The following SLC35E4 variants were observed in gnomAD, a reference collection of about 807,000 sequenced individuals.
SLC35E4 encodes solute carrier family 35 member E4.
A neutral mutation model predicts 19.3 loss-of-function variants in SLC35E4; 15 were observed. The ratio of observed to expected loss-of-function variants is 0.78; its 90% CI spans 0.52 to 1.20. The LOEUF is 1.20. Among genes scored for constraint, SLC35E4 ranks in the 50% most tolerant of loss-of-function variants. The pLI, the probability that SLC35E4 is intolerant of heterozygous loss-of-function variation, is 0.00. For synonymous variants in SLC35E4, 219 were observed against 219.9 expected, an observed-to-expected ratio of 1.00 and a Z score of 0.04; for missense variants, 406 against 472.3, an observed-to-expected ratio of 0.86 and a Z score of 1.30.
intron 2 of SLC35E4, among the ~76,000 whole-genome samples, chr22:30,659,938 C>A (rs951696931): frequency 2.0e-5 from 3 of 152,150 alleles, no homozygotes; most frequent in Non-Finnish European, 4.4e-5. Flanking sequence ...GAGGGGCACA[C>A]GTAGAAAGCA....
chr22:30,642,083 C>T (rs1396002925), intron 1 of SLC35E4, among the ~76,000 whole-genome samples: 3 of 152,024 alleles, frequency 2.0e-5, no homozygotes, highest in Non-Finnish European at 4.4e-5. Context: ...AGTGCAGTGG[C>T]TCACTGCGGC....
At chr22:30,650,834 C>T (rs1232865148), downstream of SLC35E4, among the ~76,000 whole-genome samples, 1 of 152,210 alleles carries the variant, frequency 6.6e-6, no homozygotes, top group Non-Finnish European at 1.5e-5. Flanking sequence ...GATGCCAAGC[C>T]TCCAGCCCCC....
downstream of SLC35E4, among the ~76,000 whole-genome samples, chr22:30,651,444 T>A (rs1166384640): frequency 2.5e-3 from 292 of 117,720 alleles, no homozygotes; most frequent in Non-Finnish European, 4.2e-3. Context: ...TTTTTTTTTT[T>A]TTTTTTTTTT....
chr22:30,640,061 C>T (rs1252443641), intron 1 of SLC35E4, among the ~76,000 whole-genome samples: 1 of 152,130 alleles, frequency 6.6e-6, no homozygotes, highest in Non-Finnish European at 1.5e-5. Context: ...AATAAATGTC[C>T]ATGAAATCTT....
chr22:30,637,183 T>C (rs2087966291), intron 1 of SLC35E4, 114 bp downstream of exon 1: 5 of 1,440,082 alleles, frequency 3.5e-6, no homozygotes, highest in Middle Eastern at 4.7e-4. Context: ...AAACTGAGGT[T>C]CATGGCTGTG....
At chr22:30,652,019 T>C (rs556881245), downstream of SLC35E4, 2 of 152,172 alleles carry the variant, frequency 1.3e-5, no homozygotes, top group African/African-American at 4.8e-5. Flanking sequence ...GGAACTGCAA[T>C]AGAGAAAGAG....
chr22:30,639,367 C>T (rs1169496760), intron 1 of SLC35E4, among the ~76,000 whole-genome samples: 1 of 152,094 alleles, frequency 6.6e-6, no homozygotes. Flanking sequence ...ATCACAGGAC[C>T]ATAGGACCGG....
chr22:30,659,565 T>C (rs2088418544), intron 2 of SLC35E4, among the ~76,000 whole-genome samples: 1 of 151,966 alleles, frequency 6.6e-6, no homozygotes. Flanking sequence ...AGAGACGGGG[T>C]TTCAACATGT....
chr22:30,638,054 C>G (rs1002272386), intron 1 of SLC35E4, among the ~76,000 whole-genome samples: 1 of 152,104 alleles, frequency 6.6e-6, no homozygotes, highest in Non-Finnish European at 1.5e-5. Context: ...GATGATGGGA[C>G]TAAGACCCAG....
At chr22:30,652,294 G>A (rs1192289888), downstream of SLC35E4, 1 of 152,222 alleles carries the variant, frequency 6.6e-6, no homozygotes, top group African/African-American at 2.4e-5. Context: ...ATCAAGGGCA[G>A]GGGCTGCAAA....
At position 30,646,476 on chromosome 22, in the gene SLC35E4, G is replaced by C; in HGVS notation, c.620-122G>C. 7.0e-6 allele frequency: 8 copies of C among 1,149,190 alleles called. No individual in the cohort carries two copies. In the South Asian group the frequency reaches 1.0e-4, roughly 15 times the overall value. The allele number at this position is 1,149,190 out of a possible 1,614,324, so 71.2% of individuals were successfully genotyped here. A position where few individuals can be genotyped will look rare whatever the true frequency, so the allele number is the denominator to read the frequency against. On this transcript the variant is annotated intron_variant, in intron 1 of 1. Transcript: ENST00000343605. ...TTGACTGTCATGTTTCAGATCAGGA[G>C]CCACTAGCCCTGCCCGAGGGGTCCG...
intron 2 of SLC35E4, among the ~76,000 whole-genome samples, chr22:30,658,871 G>A (rs370160583): frequency 6.6e-5 from 10 of 152,060 alleles, no homozygotes; most frequent in Non-Finnish European, 1.0e-4. Flanking sequence ...TCGGCTGGGC[G>A]CGGTGGCTCA....
chr22:30,661,596 C>T (rs1220160601), intron 2 of SLC35E4: 1 of 27,586 alleles, frequency 3.6e-5, no homozygotes, highest in African/African-American at 2.4e-4. Flanking sequence ...TTACAGGCAC[C>T]CAGCTGTTAA....
chr22:30,636,419 G>C lies in SLC35E4; in HGVS notation c.-32G>C, dbSNP rs541017979. On this transcript the variant is annotated 5_prime_UTR_variant, in exon 1 of 2. Coordinates refer to ENST00000343605, the MANE Select transcript of SLC35E4 (RefSeq NM_001001479.4). ...GTGGCCCAGAGGTCGTCACTGGGGA[G>C]CCCGCCTCCTGCCCTAGCCTCACTG... 9 of 1,449,764 alleles carry C rather than the reference G, an allele frequency of 6.2e-6. No homozygotes were observed. In the South Asian group the frequency reaches 1.3e-4, roughly 20 times the overall value. The allele number at this position is 1,449,764 out of a possible 1,614,324, so 89.8% of individuals were successfully genotyped here. A position where few individuals can be genotyped will look rare whatever the true frequency, so the allele number is the denominator to read the frequency against.
intron 1 of SLC35E4, among the ~76,000 whole-genome samples, chr22:30,645,110 C>A (rs888596692): frequency 1.3e-5 from 2 of 152,136 alleles, no homozygotes; most frequent in Admixed American, 6.6e-5. Flanking sequence ...ACTTTTGACC[C>A]AATTTATTAT....
downstream of SLC35E4, among the ~76,000 whole-genome samples, chr22:30,651,422 T>TAC (rs1569062098): frequency 2.1e-4 from 10 of 47,088 alleles, no homozygotes; most frequent in Non-Finnish European, 3.3e-4. Context: ...TATATATATA[T>TAC]ATATATTTTT....
intron 2 of SLC35E4, among the ~76,000 whole-genome samples, chr22:30,657,841 T>C (rs2088373386): frequency 6.6e-6 from 1 of 150,674 alleles, no homozygotes; most frequent in Non-Finnish European, 1.5e-5. Flanking sequence ...GAGGCGGAGC[T>C]TGCAGTGAGC....
In SLC35E4 at chr22:30,646,926, A is replaced by G. The variant is rs1205000215; in HGVS notation, c.948A>G (p.Ala316=). ...GTGCCCTCAGCTACGTGGGCATCGC[A>G]CTCACTCTTTCAGGAATGTTCCTTT... is the stretch of plus-strand genomic sequence containing the variant. ...RLSALSYVGI[A]LTLSGMFLYH... Residue 316 remains alanine, a synonymous_variant, in exon 2 of 2, where the codon GCA becomes GCG. Coordinates refer to ENST00000343605, the MANE Select transcript of SLC35E4 (RefSeq NM_001001479.4). The G allele has an allele frequency of 6.2e-7, 1 of 1,613,978 alleles. No homozygotes were observed. The highest frequency in any genetic ancestry group is 8.5e-7 in the Non-Finnish European group (1 of 1,179,988).
intron 2 of SLC35E4, among the ~76,000 whole-genome samples, chr22:30,659,742 T>C (rs755617393): frequency 5.3e-5 from 8 of 152,188 alleles, no homozygotes; most frequent in Non-Finnish European, 1.0e-4. Flanking sequence ...GAATGTTACT[T>C]TATATGACAA....
Sources: allele counts gnomAD v4.1 joint callset (sites outside exome capture counted in the v4.1 genomes callset), GRCh38; gene constraint gnomAD v4.1.1; transcripts MANE v1.5; gene names NCBI Gene and HGNC (gene_info 2026-07-23, HGNC 2026-07-21).